MERTK: variants seen among roughly 807,000 people sequenced by gnomAD.
MERTK encodes the protein MER proto-oncogene, tyrosine kinase.
A neutral mutation model predicts 99.3 loss-of-function variants in MERTK; 69 were observed. The observed-to-expected ratio is 0.70, with a 90% CI of 0.57 to 0.85. The LOEUF is 0.85. Among genes scored for constraint, MERTK ranks in the 40% least tolerant of loss-of-function variants. The pLI, the probability that MERTK is intolerant of heterozygous loss-of-function variation, is 0.00. For synonymous variants in MERTK, 426 were observed against 467.6 expected, an observed-to-expected ratio of 0.91 and a Z score of 1.15; for missense variants, 1,125 against 1,249.4, an observed-to-expected ratio of 0.90 and a Z score of 1.50.
intron 1 of MERTK, among the ~76,000 whole-genome samples, chr2:111,916,754 A>AT (rs1238109887): frequency 6.6e-6 from 1 of 151,690 alleles, no homozygotes; most frequent in Non-Finnish European, 1.5e-5. Flanking sequence ...TTATTTATTT[A>AT]TTTTTTTGGC....
At chr2:111,914,467 C>G (rs1431781195) in intron 1 of MERTK, among the ~76,000 whole-genome samples, 1 of 151,960 alleles carries the variant, frequency 6.6e-6, no homozygotes, top group Non-Finnish European at 1.5e-5. Flanking sequence ...TTAGTAGAGA[C>G]AGGGTTTCAC....
In MERTK at chr2:112,021,314, G is replaced by T. The variant is rs1001063681; in HGVS notation, c.2190-108G>T. On this transcript the variant is annotated intron_variant, in intron 16 of 18. Transcript: ENST00000295408. ...ATGCTCACAGGCTGGTGGTGTCTCT[G>T]TGTTCTTTTGGTCAATTATCATAAG... 5 of 1,515,060 alleles carry T rather than the reference G, an allele frequency of 3.3e-6. No homozygotes were observed. In the African/African-American group the frequency reaches 6.9e-5, roughly 21 times the overall value. The allele number at this position is 1,515,060 out of a possible 1,614,324, so 93.9% of individuals were successfully genotyped here. A position where few individuals can be genotyped will look rare whatever the true frequency, so the allele number is the denominator to read the frequency against.
At chr2:111,931,421 G>A (rs1684668615) in intron 2 of MERTK, among the ~76,000 whole-genome samples, 1 of 152,168 alleles carries the variant, frequency 6.6e-6, no homozygotes. Context: ...GAAGAGATAA[G>A]TAAAACTATC....
At chr2:112,021,700 C>A in intron 17 of MERTK, 119 bp downstream of exon 17, 1 of 892,008 alleles carries the variant, frequency 1.1e-6, no homozygotes. Flanking sequence ...GGGTTGGCAG[C>A]TTGCTCAGAT....
At chr2:111,960,456 G>A (rs1480817283) in intron 4 of MERTK, among the ~76,000 whole-genome samples, 4 of 138,034 alleles carry the variant, frequency 2.9e-5, no homozygotes, top group African/African-American at 1.1e-4. Flanking sequence ...CCTCCAGCCT[G>A]AGTGACAGAG....
At chr2:111,982,167 T>C (rs1676386605) in intron 7 of MERTK, among the ~76,000 whole-genome samples, 1 of 151,924 alleles carries the variant, frequency 6.6e-6, no homozygotes, top group East Asian at 1.9e-4. Context: ...TCAAGTGATC[T>C]TTCCTCAGCC....
intron 8 of MERTK, among the ~76,000 whole-genome samples, chr2:111,990,188 C>T (rs1289351158): frequency 6.6e-6 from 1 of 151,970 alleles, no homozygotes; most frequent in Non-Finnish European, 1.5e-5. Context: ...TACTTGGCAC[C>T]AAAACAGTAT....
At chr2:111,974,489 G>A (rs781403061) in intron 6 of MERTK, among the ~76,000 whole-genome samples, 5 of 151,944 alleles carry the variant, frequency 3.3e-5, no homozygotes, top group African/African-American at 1.2e-4. Context: ...ATTAAGAAAC[G>A]CTGGGTGTGG....
chr2:111,942,778 T>C (rs1012577129), intron 2 of MERTK, among the ~76,000 whole-genome samples: 4 of 152,124 alleles, frequency 2.6e-5, no homozygotes, highest in Admixed American at 6.5e-5. Context: ...CATCAGGAAA[T>C]GCAATGACAG....
At chr2:111,958,539 T>G (rs1246462915) in intron 4 of MERTK, among the ~76,000 whole-genome samples, 1 of 152,226 alleles carries the variant, frequency 6.6e-6, no homozygotes, top group Non-Finnish European at 1.5e-5. Context: ...CTGGTATCTC[T>G]TTGGCCTATG....
chr2:111,939,577 C>T (rs993644496), intron 2 of MERTK, among the ~76,000 whole-genome samples: 2 of 151,142 alleles, frequency 1.3e-5, no homozygotes, highest in Non-Finnish European at 2.9e-5. Context: ...AATTCTTGGG[C>T]TTAAACAATC....
rs1488839958 is a variant in MERTK, at chr2:111,901,586, C to T, written c.61+2790C>T. On this transcript the variant is annotated intron_variant, in intron 1 of 18. Coordinates refer to ENST00000295408, the MANE Select transcript of MERTK (RefSeq NM_006343.3). ...TTTTTTTTTTTTTTTGGCAGGTTCTCATTCTGCCACCCAGGCTAGAGTGCA... is the reference window on the plus strand; with the variant it reads ...TTTTTTTTTTTTTTTGGCAGGTTCTTATTCTGCCACCCAGGCTAGAGTGCA... 4.9e-5 allele frequency among the ~76,000 whole-genome samples: 6 copies of T among 121,298 alleles called. No individual in the cohort carries two copies. In the East Asian group the frequency reaches 9.1e-4, roughly 18 times the overall value. The allele number at this position is 121,298 out of a possible 152,430, so 79.6% of individuals were successfully genotyped here. A position where few individuals can be genotyped will look rare whatever the true frequency, so the allele number is the denominator to read the frequency against.
chr2:111,996,277 G>C (rs151210945), intron 9 of MERTK: 1 of 154,380 alleles, frequency 6.5e-6, no homozygotes, highest in East Asian at 1.9e-4. Flanking sequence ...ATGGCATAAA[G>C]CATAAACTCG....
chr2:112,013,947 C>G (rs954199060), intron 15 of MERTK, among the ~76,000 whole-genome samples: 1 of 152,016 alleles, frequency 6.6e-6, no homozygotes, highest in Non-Finnish European at 1.5e-5. Context: ...CTCCGCCTCC[C>G]GGGTTCAAGT....
At chr2:111,925,493 G>A (rs1361627281) in intron 1 of MERTK, among the ~76,000 whole-genome samples, 1 of 150,910 alleles carries the variant, frequency 6.6e-6, no homozygotes, top group African/African-American at 2.4e-5. Flanking sequence ...AGTAGAGACG[G>A]GGTTTCACCA....
intron 2 of MERTK, among the ~76,000 whole-genome samples, chr2:111,944,511 A>T (rs1684924105): frequency 6.6e-6 from 1 of 152,304 alleles, no homozygotes. Flanking sequence ...TCCTTAAAAT[A>T]ATTCCTCTGT....
At chr2:112,000,886 A>G (rs1280679374) in intron 10 of MERTK, among the ~76,000 whole-genome samples, 1 of 152,190 alleles carries the variant, frequency 6.6e-6, no homozygotes, top group Non-Finnish European at 1.5e-5. Flanking sequence ...TTTCATAAGT[A>G]TAGACTTATG....
intron 3 of MERTK, among the ~76,000 whole-genome samples, chr2:111,946,877 T>C (rs1684969737): frequency 6.6e-6 from 1 of 152,194 alleles, no homozygotes; most frequent in South Asian, 2.1e-4. Context: ...GAAAGCTGGC[T>C]TAAAGTAGAC....
chr2:111,960,498 A>G (rs559971462), intron 4 of MERTK, among the ~76,000 whole-genome samples: 134 of 149,716 alleles, frequency 9.0e-4, no homozygotes, highest in Non-Finnish European at 1.4e-3. Context: ...AAAAAAAAAA[A>G]AAAGAAAAGA....
Sources: allele counts gnomAD v4.1 joint callset (sites outside exome capture counted in the v4.1 genomes callset), GRCh38; gene constraint gnomAD v4.1.1; transcripts MANE v1.5; gene names NCBI Gene and HGNC (gene_info 2026-07-23, HGNC 2026-07-21).